The following MICAL2 variants were observed in gnomAD, a reference collection of about 807,000 sequenced individuals.
MICAL2 encodes microtubule associated monooxygenase, calponin and LIM domain containing 2.
MICAL2 carries 77 observed loss-of-function variants against 127.3 expected under a neutral mutation model. That is an observed-to-expected ratio of 0.60 (90% confidence interval 0.50 to 0.73). The LOEUF (loss-of-function observed/expected upper bound fraction) is 0.73, where lower values mean the gene tolerates loss of function less well. MICAL2 is among the 30% of genes least tolerant of loss of function. The probability of loss-of-function intolerance (pLI) is 0.00; values close to 1 mark genes in which losing one functional copy is unlikely to be tolerated. For synonymous variants in MICAL2, 570 were observed against 551.1 expected (o/e 1.03, Z -0.48); for missense variants, 1,351 against 1,434.4 (o/e 0.94, Z 0.94).
chr11:12,154,907 A>G (rs1853991464), intron 2 of MICAL2, among the ~76,000 whole-genome samples: 1 of 152,190 alleles, frequency 6.6e-6, no homozygotes, highest in Admixed American at 6.5e-5. Flanking sequence ...GGCTAAGAGC[A>G]TGGATTTCAA....
intron 32 of MICAL2, among the ~76,000 whole-genome samples, chr11:12,341,931 A>G (rs943632428): frequency 7.2e-5 from 11 of 152,246 alleles, no homozygotes; most frequent in Non-Finnish European, 1.6e-4. Context: ...TGGAAGTAAC[A>G]TAGTGTGCTT....
rs1375610554 is a variant in MICAL2 at position 12,236,255 on chromosome 11, C to T, written c.2064+10C>T. 6.2e-7 allele frequency: 1 copy of T among 1,613,412 alleles called. No homozygotes were observed. Among genetic ancestry groups the T allele is most frequent in the Non-Finnish European group, 8.5e-7 (1 of 1,179,302 alleles). On this transcript the variant is annotated intron_variant, in intron 16 of 27. Coordinates refer to ENST00000683283, the MANE Select transcript of MICAL2 (RefSeq NM_001282663.2). ...CACCAACCTGGACGAGGTTTGTGTA[C>T]ACAGTGTGGCTTTAAACAGAGGCTC... is the stretch of plus-strand genomic sequence containing the variant.
intron 31 of MICAL2, among the ~76,000 whole-genome samples, chr11:12,324,688 A>G (rs1339860832): frequency 6.6e-6 from 1 of 152,260 alleles, no homozygotes; most frequent in East Asian, 1.9e-4. Flanking sequence ...ACACGGACTT[A>G]GAATGACCAC....
At chr11:12,282,819 A>G (rs916275757) in intron 2 of MICAL2, among the ~76,000 whole-genome samples, 2 of 152,226 alleles carry the variant, frequency 1.3e-5, no homozygotes, top group African/African-American at 2.4e-5. Flanking sequence ...ACAGTTCCTC[A>G]GAAAATGCAG....
At chr11:12,199,357 G>A (rs1467212028) in intron 3 of MICAL2, among the ~76,000 whole-genome samples, 1 of 152,108 alleles carries the variant, frequency 6.6e-6, no homozygotes, top group Non-Finnish European at 1.5e-5. Flanking sequence ...TGAGGTGCAG[G>A]GTGGGTAAGC....
intron 1 of MICAL2, among the ~76,000 whole-genome samples, chr11:12,132,026 C>G (rs1286871683): frequency 2.0e-5 from 3 of 152,102 alleles, no homozygotes; most frequent in African/African-American, 7.2e-5. Flanking sequence ...AGCAAATGAG[C>G]CTTAGGGCTG....
At chr11:12,243,649 C>T (rs1860285814) in intron 20 of MICAL2, among the ~76,000 whole-genome samples, 2 of 152,242 alleles carry the variant, frequency 1.3e-5, no homozygotes, top group South Asian at 2.1e-4. Flanking sequence ...TTCTCCTCTC[C>T]TAAGCTCGCA....
rs1860353703 is a variant in MICAL2, at chr11:12,244,030, C to G, written c.2702C>G (p.Ser901Cys). Reference sequence around the variant, plus strand: ...GGCCTGTCTCATACTCATCCTCCATCTCCTCCCTCTCGCCTTCCGTCTCCT... The same window carrying G: ...GGCCTGTCTCATACTCATCCTCCATGTCCTCCCTCTCGCCTTCCGTCTCCT... ...SKGLSHTHPP[S>C]PPSRLPSPDP... is the part of the protein sequence containing the mutation. Residue 901 changes from serine to cysteine, a missense_variant, in exon 21 of 28, where the codon TCT (serine) becomes TGT (cysteine). Coordinates refer to ENST00000683283, the MANE Select transcript of MICAL2 (RefSeq NM_001282663.2). 3.1e-6 allele frequency: 5 copies of G among 1,613,802 alleles called. No individual in the cohort carries two copies. The highest frequency in any genetic ancestry group is 4.2e-6 in the Non-Finnish European group (5 of 1,179,652).
At chr11:12,272,757 C>A (rs982628053), upstream of MICAL2, among the ~76,000 whole-genome samples, 1 of 152,188 alleles carries the variant, frequency 6.6e-6, no homozygotes, top group African/African-American at 2.4e-5. Flanking sequence ...TATAGCTTGG[C>A]TCCAGGTCTG....
intron 11 of MICAL2, 42 bp downstream of exon 11, chr11:12,222,785 G>C: frequency 6.2e-7 from 1 of 1,609,370 alleles, no homozygotes; most frequent in Non-Finnish European, 8.5e-7. Flanking sequence ...ACTCTGCACT[G>C]AACAGTGGGA....
chr11:12,113,698 T>C (rs974952968), intron 1 of MICAL2, among the ~76,000 whole-genome samples: 2 of 152,234 alleles, frequency 1.3e-5, no homozygotes, highest in African/African-American at 4.8e-5. Flanking sequence ...ATTAATGTTG[T>C]AATCTCTTAA....
intron 3 of MICAL2, among the ~76,000 whole-genome samples, chr11:12,193,070 G>A (rs750312325): frequency 3.3e-5 from 5 of 152,136 alleles, no homozygotes; most frequent in African/African-American, 9.7e-5. Context: ...CACCATATCC[G>A]CTATTTTCCC....
At chr11:12,140,439 G>A (rs1852235586) in intron 2 of MICAL2, among the ~76,000 whole-genome samples, 1 of 151,836 alleles carries the variant, frequency 6.6e-6, no homozygotes, top group Admixed American at 6.6e-5. Context: ...TAAATCTCTG[G>A]AGGGCCTGAG....
rs78857484 is a variant in MICAL2 at position 12,143,721 on chromosome 11, T to C, written c.-78+5261T>C. On this transcript the variant is annotated intron_variant, in intron 2 of 27. Coordinates refer to ENST00000683283, the MANE Select transcript of MICAL2 (RefSeq NM_001282663.2). ...CAGATTGACTCTCCAGGGATCATTT[T>C]GCATTCCAGACAGGGTCACATAATA... Among the ~76,000 whole-genome samples, 655 of 152,320 alleles carry C rather than the reference T, an allele frequency of 4.3e-3. 2 individuals carry two copies. The highest frequency in any genetic ancestry group is 0.015 in the African/African-American group (635 of 41,566).
chr11:12,249,046 G>T, intron 21 of MICAL2, 138 bp from the exon 22 acceptor site: 1 of 1,049,440 alleles, frequency 9.5e-7, no homozygotes, highest in East Asian at 2.5e-5. Context: ...ACTCTTGAGG[G>T]TAACTGGAAT....
chr11:12,302,217 G>C (rs775213913), intron 29 of MICAL2, among the ~76,000 whole-genome samples: 1 of 152,310 alleles, frequency 6.6e-6, no homozygotes, highest in Non-Finnish European at 1.5e-5. Context: ...GCCTAGTTAA[G>C]AAGAGGATTC....
Position 12,307,716 on chromosome 11 carries a change from C to T in MICAL2, c.5213-11980C>T, listed in dbSNP as rs1404590204. 2.0e-5 allele frequency among the ~76,000 whole-genome samples: 3 copies of T among 152,302 alleles called. No individual in the cohort carries two copies. In the East Asian group the frequency reaches 5.8e-4, roughly 29 times the overall value. On this transcript the variant is annotated intron_variant, in intron 29 of 34. Transcript: ENST00000646065. ...GCTTCGGTACCACTTGTTTTAAAGA[C>T]TGTTCTTTCCCCATTGAGTTACTTT...
Position 12,242,368 on chromosome 11 carries a change from C to A in MICAL2, c.2492C>A (p.Pro831Gln). Reference sequence around the variant, plus strand: ...TTCGCTACCCTGCCTTCTACCCGCCCGAGGGCGCAGGCTCTTTCCGGGGTG... The same window carrying A: ...TTCGCTACCCTGCCTTCTACCCGCCAGAGGGCGCAGGCTCTTTCCGGGGTG... ...ENFATLPSTRPRAQALSGVLW... is the reference protein window; with the variant it reads ...ENFATLPSTRQRAQALSGVLW... Residue 831 changes from proline (P) to glutamine (Q), a missense_variant, in exon 19 of 28, where the codon CCG (proline) becomes CAG (glutamine). By Grantham distance (76) the Pro-to-Gln change is moderately conservative. Around this residue, in one of 2 missense-constraint regions of MICAL2, gnomAD observed 752 missense variants for 719.4 expected, o/e 1.05. Coordinates refer to ENST00000683283, the MANE Select transcript of MICAL2 (RefSeq NM_001282663.2). The A allele has an allele frequency of 1.2e-6, 2 of 1,614,004 alleles. No homozygotes were observed. Among genetic ancestry groups the A allele is most frequent in the Non-Finnish European group, 8.5e-7 (1 of 1,179,912 alleles).
intron 2 of MICAL2, among the ~76,000 whole-genome samples, chr11:12,159,218 C>A (rs1854514296): frequency 1.3e-5 from 2 of 152,190 alleles, no homozygotes; most frequent in Non-Finnish European, 2.9e-5. Context: ...CATTCTTCTT[C>A]TAGGGGAGGA....
Sources: allele counts gnomAD v4.1 joint callset (sites outside exome capture counted in the v4.1 genomes callset), GRCh38; gene constraint gnomAD v4.1.1; regional missense constraint gnomAD v4.1.1; transcripts MANE v1.5; gene names NCBI Gene and HGNC (gene_info 2026-07-23, HGNC 2026-07-21).